Variants in GLP1R observed in about 807,000 individuals in gnomAD.
GLP1R encodes glucagon like peptide 1 receptor.
GLP1R carries 32 observed loss-of-function variants against 68.4 expected under a neutral mutation model. The observed-to-expected ratio is 0.47, with a 90% confidence interval of 0.35 to 0.63. The LOEUF (loss-of-function observed/expected upper bound fraction) is 0.63, where lower values mean the gene tolerates loss of function less well. Ranked by LOEUF, GLP1R falls within the 20% of genes least tolerant of loss-of-function variation. The pLI, the probability that GLP1R is intolerant of heterozygous loss-of-function variation, is 0.00. For synonymous variants in GLP1R, 263 were observed against 244.4 expected, an observed-to-expected ratio of 1.08 and a Z score of -0.71; for missense variants, 502 against 594.9, an observed-to-expected ratio of 0.84 and a Z score of 1.62.
Position 39,073,702 on chromosome 6 carries a change from C to T in GLP1R, c.756C>T (p.Tyr252=). The part of the protein sequence containing the change: ...YWLLVEGVYL[Y]TLLAFSVLSE... ...TCTTGGTGGAGGGCGTGTACCTGTA[C>T]ACACTGCTGGCCTTCTCGGTCTTAT... is the stretch of plus-strand genomic sequence containing the variant. Residue 252 remains tyrosine, a synonymous_variant, in exon 7 of 13, where the codon TAC becomes TAT. Transcript: ENST00000373256. 1 of 1,613,846 alleles carries T rather than the reference C, an allele frequency of 6.2e-7. No individual in the cohort carries two copies. Among genetic ancestry groups the T allele is most frequent in the Non-Finnish European group, 8.5e-7 (1 of 1,179,736 alleles).
intron 3 of GLP1R, among the ~76,000 whole-genome samples, chr6:39,064,610 G>T (rs1438940334): frequency 6.6e-6 from 1 of 152,032 alleles, no homozygotes; most frequent in Non-Finnish European, 1.5e-5. Flanking sequence ...CCTACAGAGA[G>T]GCCAGGAATG....
intron 12 of GLP1R, among the ~76,000 whole-genome samples, chr6:39,082,534 G>A (rs1769032910): frequency 6.6e-6 from 1 of 152,318 alleles, no homozygotes; most frequent in African/African-American, 2.4e-5. Context: ...CGTTTGGAGG[G>A]TAGGGCAGGG....
intron 3 of GLP1R, among the ~76,000 whole-genome samples, chr6:39,064,089 C>T (rs1345756508): frequency 6.6e-6 from 1 of 151,268 alleles, no homozygotes; most frequent in African/African-American, 2.4e-5. Flanking sequence ...CTACAACCTC[C>T]TCCTCCCAAG....
intron 5 of GLP1R, among the ~76,000 whole-genome samples, chr6:39,072,528 G>T (rs1348541908): frequency 6.6e-6 from 1 of 152,242 alleles, no homozygotes; most frequent in Non-Finnish European, 1.5e-5. Flanking sequence ...TCAACAAGAA[G>T]CAGTGTTCCC....
intron 3 of GLP1R, among the ~76,000 whole-genome samples, chr6:39,062,591 CG>C (rs1263738549): frequency 2.6e-5 from 4 of 152,158 alleles, no homozygotes; most frequent in African/African-American, 4.8e-5. Context: ...GTGCAGCGGC[CG>C]GGGGTCCACA....
chr6:39,057,407 A>C, intron 2 of GLP1R, 65 bp from the exon 3 acceptor site: 1 of 1,010,746 alleles, frequency 9.9e-7, no homozygotes, highest in Non-Finnish European at 1.6e-6. Context: ...GGTCTTGGGG[A>C]AGGGAGGGAA....
Position 39,073,721 on chromosome 6 carries a change from G to T in GLP1R, c.775G>T (p.Val259Phe). ...VYLYTLLAFS[V>F]LSEQWIFRLY... ...CCTGTACACACTGCTGGCCTTCTCG[G>T]TCTTATCTGAGCAATGGATCTTCAG... The change falls in exon 7 of 13, where the codon GTC becomes TTC. Residue 259 changes from valine (V) to phenylalanine (F), a missense_variant. Val to Phe is a conservative substitution (Grantham distance 50, BLOSUM62 -1). Transcript: ENST00000373256. 6.2e-7 allele frequency: 1 copy of T among 1,614,056 alleles called. No homozygotes were observed. Among genetic ancestry groups the T allele is most frequent in the South Asian group, 1.1e-5 (1 of 91,068 alleles).
At chr6:39,068,594 T>G (rs143987168) in intron 5 of GLP1R, among the ~76,000 whole-genome samples, 169 of 152,360 alleles carry the variant, frequency 1.1e-3, no homozygotes, top group African/African-American at 4.0e-3. Context: ...GCTCGTGCAC[T>G]CTGTGTGTCT....
At chr6:39,075,307 C>T (rs571976506) in intron 7 of GLP1R, among the ~76,000 whole-genome samples, 5 of 152,192 alleles carry the variant, frequency 3.3e-5, no homozygotes, top group South Asian at 2.1e-4. Context: ...GGGAGGCCAT[C>T]GAGGGCAGCT....
Position 39,057,527 on chromosome 6 carries a change from A to T in GLP1R, c.231A>T (p.Pro77=). ...ACGCCTGCTGGCCAGATGGGGAGCC[A>T]GGCTCGTTCGTGAATGTCAGCTGCC... ...DEYACWPDGE[P]GSFVNVSCPW... The change falls in exon 3 of 13, where the codon CCA becomes CCT. Residue 77 remains proline, a synonymous_variant. Coordinates refer to ENST00000373256, the MANE Select transcript of GLP1R (RefSeq NM_002062.5). 1 of 1,613,672 alleles carries T rather than the reference A, an allele frequency of 6.2e-7. No homozygotes were observed. The highest frequency in any genetic ancestry group is 8.5e-7 in the Non-Finnish European group (1 of 1,179,806).
chr6:39,069,652 A>G (rs1308499250), intron 5 of GLP1R, among the ~76,000 whole-genome samples: 1 of 151,560 alleles, frequency 6.6e-6, no homozygotes. Flanking sequence ...AAAAAAAAAA[A>G]GACTGAAATT....
chr6:39,071,182 T>C (rs1173363058), intron 5 of GLP1R, among the ~76,000 whole-genome samples: 1 of 151,642 alleles, frequency 6.6e-6, no homozygotes, highest in African/African-American at 2.4e-5. Flanking sequence ...CCATCTCTAC[T>C]AAAAATACAA....
chr6:39,077,667 G>A (rs1047709402), intron 7 of GLP1R, among the ~76,000 whole-genome samples: 2 of 152,218 alleles, frequency 1.3e-5, no homozygotes, highest in African/African-American at 4.8e-5. Flanking sequence ...AGGAGGTGGG[G>A]ATCCCTAGGG....
At chr6:39,062,844 A>T (rs1316466400) in intron 3 of GLP1R, among the ~76,000 whole-genome samples, 2 of 152,212 alleles carry the variant, frequency 1.3e-5, no homozygotes, top group African/African-American at 4.8e-5. Flanking sequence ...GTACAATGGG[A>T]CTAACTGTTC....
chr6:39,079,699 C>T lies in GLP1R; in HGVS notation c.1179C>T (p.Phe393=), dbSNP rs766288520. The T allele has an allele frequency of 4.3e-6, 7 of 1,611,996 alleles. No homozygotes were observed. In the African/African-American group the frequency reaches 5.3e-5, roughly 12 times the overall value. Reference sequence around the variant, plus strand: ...TTACAGAGCTCTCCTTCACCTCCTTCCAGGTGACTTCATGCTTGGGGACAC... The same window carrying T: ...TTACAGAGCTCTCCTTCACCTCCTTTCAGGTGACTTCATGCTTGGGGACAC... The part of the protein sequence containing the change: ...KLFTELSFTS[F]QGLMVAILYC... The change falls in exon 11 of 13, where the codon TTC becomes TTT. Residue 393 remains phenylalanine (F), a synonymous_variant. Transcript: ENST00000373256. The surrounding 1 kb of genome is among the most constrained non-coding windows in gnomAD (Gnocchi z 4.5).
At chr6:39,074,797 G>C (rs1304478404) in intron 7 of GLP1R, among the ~76,000 whole-genome samples, 1 of 152,178 alleles carries the variant, frequency 6.6e-6, no homozygotes, top group Non-Finnish European at 1.5e-5. Flanking sequence ...CCACACCAGG[G>C]TGTCCGCTGC....
Position 39,079,257 on chromosome 6 carries a change from A to G in GLP1R, c.1043+57A>G. ...CCTCAGCAAGTGCCCCTTTCCTTCT[A>G]GCAGAGAGAGAGAGAGAGATCCTGG... On this transcript the variant is annotated intron_variant, in intron 10 of 12. Coordinates refer to ENST00000373256, the MANE Select transcript of GLP1R (RefSeq NM_002062.5). This position sits in a 1 kb window ranked among gnomAD's most constrained non-coding sequence, Gnocchi z 4.5. The G allele has an allele frequency of 8.3e-7, 1 of 1,206,558 alleles. No individual in the cohort carries two copies. The highest frequency in any genetic ancestry group is 1.2e-6 in the Non-Finnish European group (1 of 809,102). 74.7% of individuals were successfully genotyped at this position (1,206,558 alleles called of 1,614,324 possible). A position where few individuals can be genotyped will look rare whatever the true frequency, so the allele number is the denominator to read the frequency against.
At chr6:39,050,397 A>C (rs1248170226) in intron 1 of GLP1R, among the ~76,000 whole-genome samples, 1 of 152,154 alleles carries the variant, frequency 6.6e-6, no homozygotes, top group Non-Finnish European at 1.5e-5. Flanking sequence ...GAAGAAAGCA[A>C]AGGGAAGAGG....
At chr6:39,074,156 G>A (rs970430686) in intron 7 of GLP1R, among the ~76,000 whole-genome samples, 6 of 152,120 alleles carry the variant, frequency 3.9e-5, no homozygotes, top group Non-Finnish European at 7.4e-5. Context: ...GGTGGGGAGG[G>A]GATCAAGAGG....
Sources: allele counts gnomAD v4.1 joint callset (sites outside exome capture counted in the v4.1 genomes callset), GRCh38; gene constraint gnomAD v4.1.1; non-coding constraint Gnocchi (gnomAD v3.1); transcripts MANE v1.5; gene names NCBI Gene and HGNC (gene_info 2026-07-23, HGNC 2026-07-21).